The following EPSTI1 variants were observed in gnomAD, a reference collection of about 807,000 sequenced individuals.
EPSTI1 encodes the protein epithelial-stromal interaction protein 1.
EPSTI1 carries 66 observed loss-of-function variants against 49.9 expected under a neutral mutation model. That is an observed-to-expected ratio of 1.32 (90% CI 1.08 to 1.62). The LOEUF (loss-of-function observed/expected upper bound fraction) is 1.62, where lower values mean the gene tolerates loss of function less well. Among genes scored for constraint, EPSTI1 ranks in the 40% most tolerant of loss-of-function variants. The probability of loss-of-function intolerance (pLI) is 0.00; values close to 1 mark genes in which losing one functional copy is unlikely to be tolerated. For missense variants in EPSTI1, 394 were observed against 365.5 expected, an observed-to-expected ratio of 1.08 and a Z score of -0.64; for synonymous variants, 137 against 130.7, an observed-to-expected ratio of 1.05 and a Z score of -0.33.
chr13:42,942,144 C>T (rs374110045), intron 6 of EPSTI1, among the ~76,000 whole-genome samples: 11 of 152,256 alleles, frequency 7.2e-5, no homozygotes, highest in Admixed American at 4.6e-4. Flanking sequence ...CAATTTGTCT[C>T]ATACTAATAT....
At chr13:42,910,808 C>A (rs533043550) in intron 8 of EPSTI1, among the ~76,000 whole-genome samples, 11 of 152,034 alleles carry the variant, frequency 7.2e-5, no homozygotes, top group Non-Finnish European at 1.3e-4. Flanking sequence ...TTGGAATTCC[C>A]AGAATAATAC....
chr13:42,963,422 C>T, intron 4 of EPSTI1, 84 bp from the exon 5 acceptor site: 1 of 1,039,824 alleles, frequency 9.6e-7, no homozygotes, highest in Non-Finnish European at 1.4e-6. Flanking sequence ...TGATGAAAGG[C>T]AAATTACAGT....
At chr13:42,903,061 A>G (rs956621409) in intron 8 of EPSTI1, among the ~76,000 whole-genome samples, 5 of 152,162 alleles carry the variant, frequency 3.3e-5, no homozygotes, top group Admixed American at 1.3e-4. Context: ...CATTAATCCT[A>G]TTTCTCCAAG....
chr13:42,931,882 A>G (rs770911607), intron 6 of EPSTI1, among the ~76,000 whole-genome samples: 2 of 151,902 alleles, frequency 1.3e-5, no homozygotes, highest in Non-Finnish European at 2.9e-5. Context: ...ATCTTGTGCA[A>G]ATACATAAAT....
chr13:42,991,989 C>G lies in EPSTI1; in HGVS notation c.177G>C (p.Ala59=). ...GTTAAAATACTCACCGCCTCTGGCC[C>G]GCGTGCACGACGCTCTCCCGCGAAG... ...KGPSRESVVH[A]GQRRTSAYTL... Residue 59 remains alanine (A), a synonymous_variant, in exon 1 of 11, where the codon GCG becomes GCC. Coordinates refer to ENST00000313624, the MANE Select transcript of EPSTI1 (RefSeq NM_033255.5). The G allele has an allele frequency of 1.2e-6, 2 of 1,612,290 alleles. No homozygotes were observed. Among genetic ancestry groups the G allele is most frequent in the Non-Finnish European group, 1.7e-6 (2 of 1,179,694 alleles).
chr13:42,918,765 T>C (rs975992236), intron 7 of EPSTI1, among the ~76,000 whole-genome samples: 2 of 152,226 alleles, frequency 1.3e-5, no homozygotes, highest in African/African-American at 4.8e-5. Context: ...ATACATCATA[T>C]GACTTTCTCT....
intron 6 of EPSTI1, among the ~76,000 whole-genome samples, chr13:42,932,764 C>T (rs1174178126): frequency 6.6e-6 from 1 of 152,100 alleles, no homozygotes; most frequent in African/African-American, 2.4e-5. Flanking sequence ...AAAACAATAA[C>T]TTAACAGTGG....
chr13:42,943,040 T>C (rs1481041142), intron 6 of EPSTI1, among the ~76,000 whole-genome samples: 2 of 152,238 alleles, frequency 1.3e-5, no homozygotes, highest in African/African-American at 4.8e-5. Context: ...AAAATGTCAC[T>C]GTCTTCTTTG....
chr13:42,913,677 G>A (rs9525705), intron 8 of EPSTI1, among the ~76,000 whole-genome samples: 29,823 of 152,084 alleles, frequency 0.2, 3,310 homozygotes, highest in East Asian at 0.41. Flanking sequence ...ATGGATACTT[G>A]AAGAAAAATC....
In EPSTI1 at chr13:42,953,995, T is replaced by A. The variant is rs912181004; in HGVS notation, c.516A>T (p.Arg172Ser). The stretch of plus-strand genomic sequence containing the variant: ...CTTCTCTTCTAAGGTTTTCTTGAAG[T>A]CTTTTTTTCTCCTCCAGTTTATTGC... ...EKSNKLEEKK[R>S]LQENLRREAF... is the part of the protein sequence containing the mutation. Residue 172 changes from arginine to serine, a missense_variant, in exon 6 of 11, where the codon AGA becomes AGT. Arg to Ser is a moderately radical substitution (Grantham distance 110, BLOSUM62 -1). Coordinates refer to ENST00000313624, the MANE Select transcript of EPSTI1 (RefSeq NM_033255.5). 5.4e-5 allele frequency: 87 copies of A among 1,612,664 alleles called. No individual in the cohort carries two copies. Among genetic ancestry groups the A allele is most frequent in the Non-Finnish European group, 7.2e-5 (85 of 1,179,832 alleles).
At chr13:42,902,033 T>A (rs939268610) in intron 8 of EPSTI1, among the ~76,000 whole-genome samples, 1 of 151,966 alleles carries the variant, frequency 6.6e-6, no homozygotes, top group Admixed American at 6.6e-5. Flanking sequence ...TTTTTTGTTC[T>A]TGCGATAGTT....
intron 10 of EPSTI1, among the ~76,000 whole-genome samples, chr13:42,889,640 G>C (rs1228009098): frequency 3.3e-5 from 5 of 152,064 alleles, no homozygotes; most frequent in Non-Finnish European, 7.4e-5. Flanking sequence ...CAAATATATT[G>C]ATATAATTTA....
chr13:42,982,979 C>T (rs1400160930), intron 1 of EPSTI1, among the ~76,000 whole-genome samples: 1 of 152,228 alleles, frequency 6.6e-6, no homozygotes, highest in South Asian at 2.1e-4. Flanking sequence ...ACCAATCATA[C>T]TTCTATATAC....
intron 9 of EPSTI1, among the ~76,000 whole-genome samples, chr13:42,896,336 G>A (rs560996553): frequency 2.0e-5 from 3 of 152,062 alleles, no homozygotes; most frequent in African/African-American, 4.8e-5. Flanking sequence ...ATCCTACTTC[G>A]CTGGAGACTC....
At chr13:42,925,334 G>A (rs189387765) in intron 7 of EPSTI1, among the ~76,000 whole-genome samples, 338 of 152,272 alleles carry the variant, frequency 2.2e-3, no homozygotes, top group Non-Finnish European at 3.6e-3. Context: ...CACAGAATGG[G>A]GTTTAGGTTT....
chr13:42,916,349 T>C lies in EPSTI1; in HGVS notation c.741+1192A>G, dbSNP rs548082153. 3.9e-5 allele frequency among the ~76,000 whole-genome samples: 6 copies of C among 152,068 alleles called. No homozygotes were observed. In the East Asian group the frequency reaches 1.2e-3, roughly 29 times the overall value. On this transcript the variant is annotated intron_variant, in intron 8 of 10. Transcript: ENST00000313624. Reference sequence around the variant, plus strand: ...TACACAGGAGCTAAATAAGTAAATTTACAACTCGCATGATTTCTTTCAATG... The same window carrying C: ...TACACAGGAGCTAAATAAGTAAATTCACAACTCGCATGATTTCTTTCAATG...
At chr13:42,972,528 A>G (rs1251034465) in intron 1 of EPSTI1, among the ~76,000 whole-genome samples, 5 of 152,226 alleles carry the variant, frequency 3.3e-5, no homozygotes, top group Non-Finnish European at 5.9e-5. Context: ...ATTGAGCAAC[A>G]CTGATGAGAC....
intron 10 of EPSTI1, among the ~76,000 whole-genome samples, chr13:42,893,965 T>G (rs2037114160): frequency 6.6e-6 from 1 of 152,256 alleles, no homozygotes; most frequent in African/African-American, 2.4e-5. Context: ...TGTTCCATAC[T>G]GTCCCTATTC....
intron 9 of EPSTI1, among the ~76,000 whole-genome samples, chr13:42,896,336 G>C (rs560996553): frequency 8.4e-4 from 128 of 152,062 alleles, no homozygotes; most frequent in Non-Finnish European, 1.6e-3. Context: ...ATCCTACTTC[G>C]CTGGAGACTC....
Sources: gnomAD v4.1 joint callset for allele counts (sites outside exome capture counted in the v4.1 genomes callset) on GRCh38, gnomAD v4.1.1 for gene constraint, MANE v1.5 for transcripts, NCBI Gene and HGNC (gene_info 2026-07-23, HGNC 2026-07-21) for gene names.